ZBTB21: variants seen among roughly 807,000 people sequenced by gnomAD.
ZBTB21 encodes the protein zinc finger and BTB domain-containing protein 21.
In ZBTB21, 10 loss-of-function variants were observed where a neutral mutation model predicts 39.8. That is an observed-to-expected ratio of 0.25 (90% CI 0.16 to 0.43). The LOEUF is 0.43. Ranked by LOEUF, ZBTB21 falls within the 20% of genes least tolerant of loss-of-function variation. The pLI, the probability that ZBTB21 is intolerant of heterozygous loss-of-function variation, is 1.00. For synonymous variants in ZBTB21, 551 were observed against 498.8 expected (o/e 1.10, Z -1.40); for missense variants, 1,221 against 1,296.3 (o/e 0.94, Z 0.89).
rs1206180075 is a variant in ZBTB21 at position 41,991,432 on chromosome 21, T to C, written c.2664A>G (p.Glu888=). 1 of 1,611,998 alleles carries C rather than the reference T, an allele frequency of 6.2e-7. No homozygotes were observed. Among genetic ancestry groups the C allele is most frequent in the Non-Finnish European group, 8.5e-7 (1 of 1,179,270 alleles). Residue 888 remains glutamate, a synonymous_variant, in exon 3 of 3, where the codon GAA becomes GAG. Coordinates refer to ENST00000310826, the MANE Select transcript of ZBTB21 (RefSeq NM_001098402.2). The surrounding 1 kb of genome is among the most constrained non-coding windows in gnomAD (Gnocchi z 4.9). ...GGGCTGTGCTGGCCTCGGGTGCCTC[T>C]TCTTCAGCCTCCTCCACAGGCTCCT... ...VKEEPVEEAE[E]EAPEASTAPK...
Position 41,993,112 on chromosome 21 carries a change from G to C in ZBTB21, c.984C>G (p.Ser328Arg), listed in dbSNP as rs748118040. 6.2e-7 allele frequency: 1 copy of C among 1,614,206 alleles called. No homozygotes were observed. Among genetic ancestry groups the C allele is most frequent in the Non-Finnish European group, 8.5e-7 (1 of 1,180,038 alleles). ...PSSGSGSGNQ[S>R]IDRSGPLVKS... Reference sequence around the variant, plus strand: ...TAACAAGTGGGCCACTCCTGTCAATGCTTTGGTTTCCAGAACCAGATCCAC... The same window carrying C: ...TAACAAGTGGGCCACTCCTGTCAATCCTTTGGTTTCCAGAACCAGATCCAC... Residue 328 changes from serine to arginine, a missense_variant, in exon 3 of 3, where the codon AGC becomes AGG. Around this residue, in one of 4 missense-constraint regions of ZBTB21, gnomAD observed 500 missense variants for 465.6 expected, o/e 1.07. Coordinates refer to ENST00000310826, the MANE Select transcript of ZBTB21 (RefSeq NM_001098402.2).
chr21:41,997,092 ATTT>A lies in ZBTB21; in HGVS notation c.-13-2987_-13-2985del, dbSNP rs1003846108. ...TAATTACACCTGGGTAATTTTTTTTATTTTTTATTTTTAGAAATGGGGCCTCAC... is the reference window on the plus strand; with the variant it reads ...TAATTACACCTGGGTAATTTTTTTTATTTATTTTTAGAAATGGGGCCTCAC... On this transcript the variant is annotated intron_variant, in intron 2 of 2. Coordinates refer to ENST00000310826, the MANE Select transcript of ZBTB21 (RefSeq NM_001098402.2). Among the ~76,000 whole-genome samples the A allele has an allele frequency of 5.9e-5, 9 of 151,816 alleles. No individual in the cohort carries two copies. The East Asian group carries it at 1.7e-3, about 29-fold the overall frequency.
chr21:41,995,869 T>C (rs1156370325), intron 2 of ZBTB21, among the ~76,000 whole-genome samples: 3 of 152,322 alleles, frequency 2.0e-5, no homozygotes, highest in Admixed American at 2.0e-4. Context: ...GGGGCCAAGG[T>C]ACAGCTTGGG....
At chr21:41,998,055 A>C (rs2065772185) in intron 2 of ZBTB21, among the ~76,000 whole-genome samples, 1 of 152,240 alleles carries the variant, frequency 6.6e-6, no homozygotes, top group African/African-American at 2.4e-5. Context: ...CATCTAATTC[A>C]GTATCAAAGA....
At chr21:41,996,413 CCTG>C (rs1601642393) in intron 2 of ZBTB21, among the ~76,000 whole-genome samples, 2 of 152,168 alleles carry the variant, frequency 1.3e-5, no homozygotes, top group Non-Finnish European at 2.9e-5. Flanking sequence ...ATTTGACTGT[CCTG>C]CTGAATTCTG....
rs1050241683 is a variant in ZBTB21, at chr21:41,992,452, G to A, written c.1644C>T (p.Cys548=). The A allele has an allele frequency of 6.2e-7, 1 of 1,613,922 alleles. No homozygotes were observed. Among genetic ancestry groups the A allele is most frequent in the African/African-American group, 1.3e-5 (1 of 74,878 alleles). ...EGTRPNKKFK[C]KHCLKIFRST... is the part of the protein sequence containing the mutation. ...ATCTAAAGATCTTAAGGCAATGTTT[G>A]CATTTAAATTTTTTGTTTGGTCTCG... The change falls in exon 3 of 3, where the codon TGC becomes TGT. Residue 548 remains cysteine, a synonymous_variant. Transcript: ENST00000310826. The surrounding 1 kb of genome is among the most constrained non-coding windows in gnomAD (Gnocchi z 4.1).
intron 1 of ZBTB21, chr21:42,009,075 T>C (rs1013675798): frequency 7.2e-5 from 11 of 152,288 alleles, no homozygotes; most frequent in African/African-American, 2.6e-4. Flanking sequence ...GCTGGACTAT[T>C]TTGTAACACA....
intron 1 of ZBTB21, 124 bp downstream of exon 1, chr21:42,010,128 G>C (rs2146367523): frequency 5.1e-6 from 2 of 388,652 alleles, no homozygotes; most frequent in African/African-American, 4.1e-5. Flanking sequence ...CCCGCTGGTG[G>C]AGAAAAAAGA....
intron 1 of ZBTB21, among the ~76,000 whole-genome samples, chr21:42,005,822 C>T (rs1260990347): frequency 1.3e-5 from 2 of 152,166 alleles, no homozygotes; most frequent in Admixed American, 6.5e-5. Flanking sequence ...AGACAAGACC[C>T]CCACTTTCTA....
intron 2 of ZBTB21, among the ~76,000 whole-genome samples, chr21:41,999,540 C>T (rs946761199): frequency 3.9e-5 from 6 of 152,202 alleles, no homozygotes; most frequent in African/African-American, 1.4e-4. Flanking sequence ...AAGGATAATA[C>T]TAGCAGCTAC....
chr21:42,001,998 T>C (rs2065822989), intron 2 of ZBTB21, among the ~76,000 whole-genome samples: 1 of 151,984 alleles, frequency 6.6e-6, no homozygotes, highest in African/African-American at 2.4e-5. Flanking sequence ...TGGTGAAAGG[T>C]AAAGGTACAC....
At chr21:42,001,296 GAA>G (rs780146096) in intron 2 of ZBTB21, among the ~76,000 whole-genome samples, 216 of 152,212 alleles carry the variant, frequency 1.4e-3, no homozygotes, top group Non-Finnish European at 2.7e-3. Context: ...AAACAAATGA[GAA>G]AACTGAGGCA....
Position 41,988,865 on chromosome 21 carries a change from T to C in ZBTB21, c.*2030A>G, listed in dbSNP as rs537520724. ...CTGAATTTATAATGCCAAGATACTCTGTATCATGGAATTATCACCGATAGA... is the reference window on the plus strand; with the variant it reads ...CTGAATTTATAATGCCAAGATACTCCGTATCATGGAATTATCACCGATAGA... On this transcript the variant is annotated 3_prime_UTR_variant, in exon 3 of 3. Coordinates refer to ENST00000310826, the MANE Select transcript of ZBTB21 (RefSeq NM_001098402.2). The C allele has an allele frequency of 7.2e-5, 11 of 152,234 alleles. No homozygotes were observed. In the East Asian group the frequency reaches 2.1e-3, roughly 29 times the overall value. 9.4% of individuals were successfully genotyped at this position (152,234 alleles called of 1,614,324 possible). A position where few individuals can be genotyped will look rare whatever the true frequency, so the allele number is the denominator to read the frequency against.
At chr21:41,997,264 T>C (rs2065758984) in intron 2 of ZBTB21, among the ~76,000 whole-genome samples, 1 of 151,858 alleles carries the variant, frequency 6.6e-6, no homozygotes, top group African/African-American at 2.4e-5. Flanking sequence ...AAGCAAAAAA[T>C]TATTTGCTAA....
rs764330891 is a variant in ZBTB21 at position 41,993,826 on chromosome 21, G to A, written c.270C>T (p.Ser90=). The change falls in exon 3 of 3, where the codon TCC becomes TCT. Residue 90 remains serine (S), a synonymous_variant. Coordinates refer to ENST00000310826, the MANE Select transcript of ZBTB21 (RefSeq NM_001098402.2). ...FDNVLNYIYS[S]SLFVEKSSLA... ...GGCTGCTCTTCTCAACAAATAGAGA[G>A]GAAGAATAAATGTAGTTTAAAACAT... 2.5e-6 allele frequency: 4 copies of A among 1,614,192 alleles called. No homozygotes were observed. The highest frequency in any genetic ancestry group is 1.7e-5 in the Admixed American group (1 of 60,022).
Position 41,992,818 on chromosome 21 carries a change from C to A in ZBTB21, c.1278G>T (p.Glu426Asp). 1 of 1,614,130 alleles carries A rather than the reference C, an allele frequency of 6.2e-7. No individual in the cohort carries two copies. The highest frequency in any genetic ancestry group is 1.1e-5 in the South Asian group (1 of 91,088). ...TDREGASPVT[E>D]VRIKTEPSSP... ...TGCTGGGCTCAGTCTTTATGCGCAC[C>A]TCAGTCACAGGGGAAGCTCCCTCCC... Residue 426 changes from glutamate to aspartate, a missense_variant, in exon 3 of 3, where the codon GAG becomes GAT. Coordinates refer to ENST00000310826, the MANE Select transcript of ZBTB21 (RefSeq NM_001098402.2). The surrounding 1 kb of genome is among the most constrained non-coding windows in gnomAD (Gnocchi z 4.1).
intron 1 of ZBTB21, among the ~76,000 whole-genome samples, chr21:42,004,237 CG>C (rs1166776217): frequency 6.6e-6 from 1 of 152,056 alleles, no homozygotes; most frequent in African/African-American, 2.4e-5. Flanking sequence ...TGACCTCAGG[CG>C]ATCTGCCCAC....
chr21:42,006,073 T>C (rs1383239552), intron 1 of ZBTB21, among the ~76,000 whole-genome samples: 1 of 152,206 alleles, frequency 6.6e-6, no homozygotes, highest in Non-Finnish European at 1.5e-5. Flanking sequence ...CTAAAATTTT[T>C]AAAACAATGA....
intron 2 of ZBTB21, among the ~76,000 whole-genome samples, chr21:41,995,382 G>A (rs371776159): frequency 2.6e-4 from 40 of 152,174 alleles, no homozygotes; most frequent in Non-Finnish European, 5.3e-4. Flanking sequence ...AAGGTGACTC[G>A]TTATGTTTTA....
Sources: allele counts gnomAD v4.1 joint callset (sites outside exome capture counted in the v4.1 genomes callset), GRCh38; gene constraint gnomAD v4.1.1; regional missense constraint gnomAD v4.1.1; non-coding constraint Gnocchi (gnomAD v3.1); transcripts MANE v1.5; gene names NCBI Gene and HGNC (gene_info 2026-07-23, HGNC 2026-07-21).